VAMP3: variants seen among roughly 807,000 people sequenced by gnomAD.
The protein encoded by VAMP3 is vesicle associated membrane protein 3, also known as vesicle-associated membrane protein 3.
VAMP3 carries 11 observed loss-of-function variants against 18.1 expected under a neutral mutation model. The observed-to-expected ratio is 0.61, with a 90% CI of 0.38 to 1.00. The LOEUF is 1.00. Among genes scored for constraint, VAMP3 ranks in the 50% least tolerant of loss-of-function variants. The pLI, the probability that VAMP3 is intolerant of heterozygous loss-of-function variation, is 0.01. For missense variants in VAMP3, 122 were observed against 127.3 expected (o/e 0.96, Z 0.20); for synonymous variants, 49 against 43.1 (o/e 1.14, Z -0.53).
At position 7,771,393 on chromosome 1, in the gene VAMP3, A is replaced by T; in HGVS notation, c.2+8A>T. The T allele has an allele frequency of 6.3e-7, 1 of 1,580,444 alleles. No homozygotes were observed. The highest frequency in any genetic ancestry group is 8.6e-7 in the Non-Finnish European group (1 of 1,168,126). ...CGCCGCAGCTGCCAAAATGTGAGTGACGCTACGCGACGCGGGCGGCTTCGG... is the reference window on the plus strand; with the variant it reads ...CGCCGCAGCTGCCAAAATGTGAGTGTCGCTACGCGACGCGGGCGGCTTCGG... On this transcript the variant is annotated splice_region_variant and intron_variant, in intron 1 of 4. Coordinates refer to ENST00000054666, the MANE Select transcript of VAMP3 (RefSeq NM_004781.4).
Position 7,781,229 on chromosome 1 carries a change from T to G in VAMP3, c.*1584T>G, listed in dbSNP as rs1416535200. On this transcript the variant is annotated 3_prime_UTR_variant, in exon 5 of 5. Coordinates refer to ENST00000054666, the MANE Select transcript of VAMP3 (RefSeq NM_004781.4). ...GCTGTGAGGAGAAAGCAGCTGGCAG[T>G]GTTAGGACATTAGTCCACCTTCAGC... The G allele has an allele frequency of 6.5e-6, 1 of 152,830 alleles. No homozygotes were observed. Among genetic ancestry groups the G allele is most frequent in the Non-Finnish European group, 1.5e-5 (1 of 68,068 alleles). The allele number at this position is 152,830 out of a possible 1,614,324, so 9.5% of individuals were successfully genotyped here.
At chr1:7,779,335 C>CA (rs2097055922) in intron 4 of VAMP3, among the ~76,000 whole-genome samples, 2 of 152,184 alleles carry the variant, frequency 1.3e-5, no homozygotes, top group South Asian at 4.1e-4. Flanking sequence ...TCAAACAACT[C>CA]ACTGCCATCG....
At chr1:7,779,170 A>G (rs984924168) in intron 4 of VAMP3, among the ~76,000 whole-genome samples, 29 of 152,252 alleles carry the variant, frequency 1.9e-4, no homozygotes, top group Admixed American at 1.6e-3. Context: ...ACTCCAGCCT[A>G]GGTGACAGAG....
At position 7,777,151 on chromosome 1, in the gene VAMP3, C is replaced by G. The variant is rs537113165; in HGVS notation, c.73-9C>G. 1 of 1,598,906 alleles carries G rather than the reference C, an allele frequency of 6.3e-7. No individual in the cohort carries two copies. On this transcript the variant is annotated splice_polypyrimidine_tract_variant and intron_variant, in intron 2 of 4. Coordinates refer to ENST00000054666, the MANE Select transcript of VAMP3 (RefSeq NM_004781.4). The stretch of plus-strand genomic sequence containing the variant: ...TTGTGCATTACTTGCTGTGATCACA[C>G]TCATCTAGGTGGTGGACATAATGCG...
intron 2 of VAMP3, among the ~76,000 whole-genome samples, chr1:7,774,472 G>C (rs1776352): frequency 0.53 from 81,228 of 151,840 alleles, 22,534 homozygotes; most frequent in Non-Finnish European, 0.58. Context: ...TTAGTATATT[G>C]ATAATATTTT....
intron 2 of VAMP3, among the ~76,000 whole-genome samples, chr1:7,773,727 G>A (rs564089582): frequency 1.3e-5 from 2 of 152,256 alleles, no homozygotes; most frequent in Admixed American, 1.3e-4. Flanking sequence ...ATAGAAACCT[G>A]CTCATAACAT....
chr1:7,778,359 C>T (rs570139062), intron 4 of VAMP3, among the ~76,000 whole-genome samples, 190 bp downstream of exon 4: 4 of 152,040 alleles, frequency 2.6e-5, no homozygotes, highest in South Asian at 2.1e-4. Flanking sequence ...GGCAACATAG[C>T]GTCTCTACAA....
At chr1:7,778,903 A>T (rs958885310) in intron 4 of VAMP3, among the ~76,000 whole-genome samples, 9 of 152,162 alleles carry the variant, frequency 5.9e-5, no homozygotes, top group Admixed American at 2.6e-4. Flanking sequence ...TCTGGTAAAT[A>T]TATAAAAATT....
intron 1 of VAMP3, among the ~76,000 whole-genome samples, chr1:7,771,597 G>A (rs912469548): frequency 7.9e-5 from 12 of 152,310 alleles, no homozygotes; most frequent in African/African-American, 2.9e-4. Context: ...GACGCGGAAG[G>A]GGCAAGGGCG....
In VAMP3 at chr1:7,771,391, T is replaced by G. The variant is rs770790347; in HGVS notation, c.2+6T>G. On this transcript the variant is annotated splice_donor_region_variant and intron_variant, in intron 1 of 4. Coordinates refer to ENST00000054666, the MANE Select transcript of VAMP3 (RefSeq NM_004781.4). Reference sequence around the variant, plus strand: ...GCCGCCGCAGCTGCCAAAATGTGAGTGACGCTACGCGACGCGGGCGGCTTC... The same window carrying G: ...GCCGCCGCAGCTGCCAAAATGTGAGGGACGCTACGCGACGCGGGCGGCTTC... 1.3e-6 allele frequency: 2 copies of G among 1,586,568 alleles called. No homozygotes were observed. Among genetic ancestry groups the G allele is most frequent in the African/African-American group, 2.8e-5 (2 of 71,956 alleles).
Position 7,780,538 on chromosome 1 carries a change from G to A in VAMP3, c.*893G>A, listed in dbSNP as rs562492358. The A allele has an allele frequency of 1.1e-4, 17 of 152,550 alleles. No homozygotes were observed. The highest frequency in any genetic ancestry group is 6.2e-4 in the South Asian group (3 of 4,830). The allele number at this position is 152,550 out of a possible 1,614,324, so 9.4% of individuals were successfully genotyped here. Reference sequence around the variant, plus strand: ...GTATTTTGCATGGGGGTTAGAGAAGGTTTGAGGTAGACTCTGACCGTCTCA... The same window carrying A: ...GTATTTTGCATGGGGGTTAGAGAAGATTTGAGGTAGACTCTGACCGTCTCA... On this transcript the variant is annotated 3_prime_UTR_variant, in exon 5 of 5. Transcript: ENST00000054666.
Position 7,781,222 on chromosome 1 carries a change from C to G in VAMP3, c.*1577C>G, listed in dbSNP as rs1225753449. On this transcript the variant is annotated 3_prime_UTR_variant, in exon 5 of 5. Coordinates refer to ENST00000054666, the MANE Select transcript of VAMP3 (RefSeq NM_004781.4). The stretch of plus-strand genomic sequence containing the variant: ...GTGGCCAGCTGTGAGGAGAAAGCAG[C>G]TGGCAGTGTTAGGACATTAGTCCAC... 6.5e-6 allele frequency: 1 copy of G among 152,804 alleles called. No individual in the cohort carries two copies. Among genetic ancestry groups the G allele is most frequent in the Non-Finnish European group, 1.5e-5 (1 of 68,058 alleles). 9.5% of individuals were successfully genotyped at this position (152,804 alleles called of 1,614,324 possible). A position where few individuals can be genotyped will look rare whatever the true frequency, so the allele number is the denominator to read the frequency against.
chr1:7,772,091 G>A (rs2097051385), intron 1 of VAMP3, among the ~76,000 whole-genome samples: 1 of 152,188 alleles, frequency 6.6e-6, no homozygotes, highest in Non-Finnish European at 1.5e-5. Context: ...TTAAGATCTA[G>A]AGCCAAGGTA....
intron 4 of VAMP3, among the ~76,000 whole-genome samples, chr1:7,778,492 C>G (rs1434879190): frequency 2.6e-5 from 4 of 152,000 alleles, no homozygotes; most frequent in African/African-American, 9.7e-5. Context: ...CATGATCATG[C>G]CACTGCCCTC....
At chr1:7,774,513 T>G (rs747616061) in intron 2 of VAMP3, among the ~76,000 whole-genome samples, 9 of 152,218 alleles carry the variant, frequency 5.9e-5, no homozygotes, top group Non-Finnish European at 7.3e-5. Flanking sequence ...TTTTCAGAAC[T>G]TTTTCATCAC....
At position 7,779,874 on chromosome 1, in the gene VAMP3, G is replaced by A. The variant is rs991143783; in HGVS notation, c.*229G>A. Reference sequence around the variant, plus strand: ...GCCTTTACAGATTTACGTATGGGCTGATGAAGAGGCCTTCTTAAGTTCCAG... The same window carrying A: ...GCCTTTACAGATTTACGTATGGGCTAATGAAGAGGCCTTCTTAAGTTCCAG... On this transcript the variant is annotated 3_prime_UTR_variant, in exon 5 of 5. Coordinates refer to ENST00000054666, the MANE Select transcript of VAMP3 (RefSeq NM_004781.4). The A allele has an allele frequency of 1.5e-5, 8 of 548,080 alleles. No individual in the cohort carries two copies. Among genetic ancestry groups the A allele is most frequent in the African/African-American group, 1.4e-4 (7 of 51,850 alleles). 34.0% of individuals were successfully genotyped at this position (548,080 alleles called of 1,614,324 possible).
At chr1:7,771,438 G>T in intron 1 of VAMP3, 53 bp downstream of exon 1, 1 of 1,503,710 alleles carries the variant, frequency 6.7e-7, no homozygotes, top group Non-Finnish European at 8.8e-7. Flanking sequence ...GCGGCAGCTC[G>T]CGCTGGGACC....
At position 7,777,294 on chromosome 1, in the gene VAMP3, G is replaced by A; in HGVS notation, c.207G>A (p.Arg69=). ...QFETSAAKLK[R]KYWWKNCKMW... ...AAACGAGCGCAGCCAAGTTGAAGAG[G>A]AAATATTGGTGGAAGAATTGCAAGG... Residue 69 remains arginine, a synonymous_variant, in exon 3 of 5, where the codon AGG becomes AGA. Transcript: ENST00000054666. 1.2e-6 allele frequency: 2 copies of A among 1,612,624 alleles called. No individual in the cohort carries two copies. Among genetic ancestry groups the A allele is most frequent in the Non-Finnish European group, 1.7e-6 (2 of 1,179,320 alleles).
At position 7,780,022 on chromosome 1, in the gene VAMP3, A is replaced by C. The variant is rs532323545; in HGVS notation, c.*377A>C. The C allele has an allele frequency of 5.1e-6, 1 of 197,142 alleles. No individual in the cohort carries two copies. The highest frequency in any genetic ancestry group is 1.0e-5 in the Non-Finnish European group (1 of 95,914). 12.2% of individuals were successfully genotyped at this position (197,142 alleles called of 1,614,324 possible). A position where few individuals can be genotyped will look rare whatever the true frequency, so the allele number is the denominator to read the frequency against. Reference sequence around the variant, plus strand: ...AAACCTTTGGGTAATCAGATTTCCAACTTATGCCTTCCAGAAAAAAACACT... The same window carrying C: ...AAACCTTTGGGTAATCAGATTTCCACCTTATGCCTTCCAGAAAAAAACACT... On this transcript the variant is annotated 3_prime_UTR_variant, in exon 5 of 5. Transcript: ENST00000054666.
Sources: allele counts gnomAD v4.1 joint callset (sites outside exome capture counted in the v4.1 genomes callset), GRCh38; gene constraint gnomAD v4.1.1; transcripts MANE v1.5; gene names NCBI Gene and HGNC (gene_info 2026-07-23, HGNC 2026-07-21).